Variants in RABGAP1L observed in about 807,000 individuals in gnomAD.
RABGAP1L encodes RAB GTPase activating protein 1 like.
RABGAP1L carries 63 observed loss-of-function variants against 137.7 expected under a neutral mutation model. The ratio of observed to expected loss-of-function variants is 0.46; its 90% CI spans 0.37 to 0.56. RABGAP1L has a LOEUF of 0.56. Among genes scored for constraint, RABGAP1L ranks in the 20% least tolerant of loss-of-function variants. The pLI is 0.00. For synonymous variants in RABGAP1L, 431 were observed against 433.7 expected (o/e 0.99, Z 0.08); for missense variants, 1,095 against 1,244.0 (o/e 0.88, Z 1.80).
At position 174,978,920 on chromosome 1, in the gene RABGAP1L, G is replaced by A. The variant is rs1433641390; in HGVS notation, c.2733+30G>A. On this transcript the variant is annotated intron_variant, in intron 23 of 25. Coordinates refer to ENST00000681986, the MANE Select transcript of RABGAP1L (RefSeq NM_001366446.1). Reference sequence around the variant, plus strand: ...TGTACTTCTGTGGCACATAGAGCTAGTTATAGTTTGCTGCTATAAAAGTAA... The same window carrying A: ...TGTACTTCTGTGGCACATAGAGCTAATTATAGTTTGCTGCTATAAAAGTAA... The A allele has an allele frequency of 7.5e-6, 11 of 1,465,350 alleles. No homozygotes were observed. In the East Asian group the frequency reaches 2.4e-4, roughly 32 times the overall value. 90.8% of individuals were successfully genotyped at this position (1,465,350 alleles called of 1,614,324 possible). A position where few individuals can be genotyped will look rare whatever the true frequency, so the allele number is the denominator to read the frequency against.
intron 13 of RABGAP1L, among the ~76,000 whole-genome samples, chr1:174,426,393 A>G (rs1651960522): frequency 6.6e-6 from 1 of 152,148 alleles, no homozygotes; most frequent in Non-Finnish European, 1.5e-5. Flanking sequence ...CAAGTCAACA[A>G]GTATAAAAAC....
chr1:174,443,590 G>C (rs1415453106), intron 13 of RABGAP1L, among the ~76,000 whole-genome samples: 2 of 151,892 alleles, frequency 1.3e-5, no homozygotes, highest in Admixed American at 1.3e-4. Context: ...TTAATCACTT[G>C]TCAGATGGAT....
chr1:174,230,163 C>T (rs951311650), intron 3 of RABGAP1L, among the ~76,000 whole-genome samples: 25 of 150,870 alleles, frequency 1.7e-4, no homozygotes, highest in East Asian at 5.9e-4. Context: ...AACCAAACAC[C>T]GCATGTTCTC....
At chr1:174,371,717 A>G (rs889767847) in intron 12 of RABGAP1L, among the ~76,000 whole-genome samples, 8 of 152,198 alleles carry the variant, frequency 5.3e-5, no homozygotes, top group Non-Finnish European at 1.0e-4. Flanking sequence ...TAGTATAGAC[A>G]TAGAAATTCA....
intron 18 of RABGAP1L, among the ~76,000 whole-genome samples, chr1:174,779,510 C>T (rs1686784225): frequency 6.6e-6 from 1 of 152,174 alleles, no homozygotes; most frequent in South Asian, 2.1e-4. Flanking sequence ...CATCCCTAAT[C>T]CCAGAATTGA....
chr1:174,746,897 T>C (rs1463497549), intron 17 of RABGAP1L, among the ~76,000 whole-genome samples: 1 of 152,198 alleles, frequency 6.6e-6, no homozygotes, highest in African/African-American at 2.4e-5. Context: ...CAGTAGATGT[T>C]GGTTATTATT....
rs185066752 is a variant in RABGAP1L at position 174,862,995 on chromosome 1, A to C, written c.2340+51035A>C. Among the ~76,000 whole-genome samples, 534 of 151,904 alleles carry C rather than the reference A, an allele frequency of 3.5e-3. 3 individuals are homozygous for C. The highest frequency in any genetic ancestry group is 0.012 in the African/African-American group (511 of 41,442). On this transcript the variant is annotated intron_variant, in intron 19 of 25. Transcript: ENST00000681986. ...CTGCAACCTCTGCCACCTGGATTCAAGTGATTCTCCTGCCTCAGCCTCCCA... is the reference window on the plus strand; with the variant it reads ...CTGCAACCTCTGCCACCTGGATTCACGTGATTCTCCTGCCTCAGCCTCCCA...
At chr1:174,678,578 A>G (rs1222037220) in intron 14 of RABGAP1L, among the ~76,000 whole-genome samples, 1 of 152,222 alleles carries the variant, frequency 6.6e-6, no homozygotes, top group Non-Finnish European at 1.5e-5. Flanking sequence ...TTTTAACCAC[A>G]TTAACCGAAT....
chr1:174,209,422 C>T (rs555595859), intron 1 of RABGAP1L, among the ~76,000 whole-genome samples: 1 of 152,230 alleles, frequency 6.6e-6, no homozygotes, highest in South Asian at 2.1e-4. Context: ...GACTGAAGAG[C>T]CCTTGGGCCT....
At chr1:174,362,057 A>C (rs942220573) in intron 11 of RABGAP1L, among the ~76,000 whole-genome samples, 7 of 152,152 alleles carry the variant, frequency 4.6e-5, no homozygotes, top group Admixed American at 1.3e-4. Context: ...TTCCTGCGTT[A>C]GTTTGCTAAG....
intron 22 of RABGAP1L, 28 bp downstream of exon 22, chr1:174,976,210 T>C: frequency 6.7e-7 from 1 of 1,487,344 alleles, no homozygotes; most frequent in Non-Finnish European, 9.2e-7. Flanking sequence ...TAGGCTTTTC[T>C]TTACAAAGGT....
At chr1:174,865,625 C>G (rs1651073013) in intron 19 of RABGAP1L, among the ~76,000 whole-genome samples, 1 of 151,994 alleles carries the variant, frequency 6.6e-6, no homozygotes, top group African/African-American at 2.4e-5. Context: ...ATTACCCTAT[C>G]ATAAAATAAA....
intron 13 of RABGAP1L, among the ~76,000 whole-genome samples, chr1:174,589,945 C>A (rs926438033): frequency 3.3e-5 from 5 of 152,056 alleles, no homozygotes; most frequent in African/African-American, 1.2e-4. Context: ...TATTCCAGGT[C>A]TTTCATGGGT....
chr1:174,315,122 T>C (rs1207484260), intron 11 of RABGAP1L, among the ~76,000 whole-genome samples: 2 of 152,140 alleles, frequency 1.3e-5, no homozygotes, highest in African/African-American at 4.8e-5. Context: ...GGTTTATCTT[T>C]CTCTTTAGCT....
At chr1:174,172,216 GTA>G (rs869221135) in intron 1 of RABGAP1L, among the ~76,000 whole-genome samples, 2,334 of 127,882 alleles carry the variant, frequency 0.018, 35 homozygotes, top group South Asian at 0.035. Context: ...GTGTGTGTGT[GTA>G]TATATGCCAC....
intron 19 of RABGAP1L, among the ~76,000 whole-genome samples, chr1:174,822,383 T>C (rs989818962): frequency 1.3e-4 from 20 of 152,252 alleles, no homozygotes; most frequent in African/African-American, 4.8e-4. Context: ...GGTATTGTTT[T>C]GTTTTATTCC....
At chr1:174,640,961 T>C (rs1674485481) in intron 14 of RABGAP1L, among the ~76,000 whole-genome samples, 1 of 127,042 alleles carries the variant, frequency 7.9e-6, no homozygotes, top group Non-Finnish European at 1.6e-5. Context: ...TAATATATTA[T>C]ATTTAATTAT....
chr1:174,918,545 G>A (rs542459486), intron 19 of RABGAP1L, among the ~76,000 whole-genome samples: 1 of 152,296 alleles, frequency 6.6e-6, no homozygotes, highest in South Asian at 2.1e-4. Flanking sequence ...CATTTTGGGT[G>A]GCCAAAGTAG....
intron 17 of RABGAP1L, among the ~76,000 whole-genome samples, chr1:174,749,564 T>C (rs2148671162): frequency 6.6e-6 from 1 of 152,206 alleles, no homozygotes; most frequent in East Asian, 1.9e-4. Context: ...GATTTCCTGA[T>C]TGGCAATTGG....
Sources: allele counts gnomAD v4.1 joint callset (sites outside exome capture counted in the v4.1 genomes callset), GRCh38; gene constraint gnomAD v4.1.1; transcripts MANE v1.5; gene names NCBI Gene and HGNC (gene_info 2026-07-23, HGNC 2026-07-21).